The following SLIT3 variants were observed in gnomAD, a reference collection of about 807,000 sequenced individuals.
The protein encoded by SLIT3 is slit guidance ligand 3, also known as slit homolog 3 protein.
SLIT3 carries 68 observed loss-of-function variants against 184.0 expected under a neutral mutation model. The observed-to-expected ratio is 0.37, with a 90% confidence interval of 0.30 to 0.45. The LOEUF is 0.45. Ranked by LOEUF, SLIT3 falls within the 20% of genes least tolerant of loss-of-function variation. The pLI is 1.00. For missense variants in SLIT3, 1,707 were observed against 2,026.0 expected (o/e 0.84, Z 3.02); for synonymous variants, 831 against 828.6 (o/e 1.00, Z -0.05).
chr5:169,235,274 TCATC>T (rs1331949989), intron 3 of SLIT3, among the ~76,000 whole-genome samples: 1 of 152,230 alleles, frequency 6.6e-6, no homozygotes, highest in African/African-American at 2.4e-5. Flanking sequence ...AAAGCAGTAT[TCATC>T]CATTTCTTTT....
At chr5:169,103,537 C>T (rs771775735) in intron 4 of SLIT3, among the ~76,000 whole-genome samples, 16 of 152,182 alleles carry the variant, frequency 1.1e-4, no homozygotes, top group Non-Finnish European at 1.6e-4. Flanking sequence ...TGGGCTGAGG[C>T]TTTTCTCCTT....
intron 4 of SLIT3, among the ~76,000 whole-genome samples, chr5:169,191,819 G>A (rs1763560014): frequency 6.6e-6 from 1 of 152,136 alleles, no homozygotes; most frequent in Non-Finnish European, 1.5e-5. Flanking sequence ...GCCATGGGAA[G>A]GTTTCTGTGA....
intron 32 of SLIT3, among the ~76,000 whole-genome samples, chr5:168,680,804 A>C (rs957754069): frequency 9.2e-5 from 14 of 152,274 alleles, no homozygotes; most frequent in Middle Eastern, 3.4e-3. Context: ...TCTGAGGCAC[A>C]GGTCATGTCT....
At chr5:168,824,012 G>T (rs369722739) in intron 6 of SLIT3, among the ~76,000 whole-genome samples, 2 of 152,130 alleles carry the variant, frequency 1.3e-5, no homozygotes, top group East Asian at 1.9e-4. Flanking sequence ...GCAGTGGCAC[G>T]ATCTCAGCTC....
chr5:168,905,087 G>T (rs1025197507), intron 4 of SLIT3, among the ~76,000 whole-genome samples: 1 of 152,152 alleles, frequency 6.6e-6, no homozygotes, highest in Admixed American at 6.5e-5. Flanking sequence ...TGAGACAGGC[G>T]AATTGCTCGA....
At chr5:168,803,915 G>T (rs17553805) in intron 9 of SLIT3, among the ~76,000 whole-genome samples, 9,454 of 151,944 alleles carry the variant, frequency 0.062, 421 homozygotes, top group Non-Finnish European at 0.091. Flanking sequence ...AGGTTAACTG[G>T]GTGGAGAAAG....
At chr5:169,165,498 A>C (rs1454974965) in intron 4 of SLIT3, among the ~76,000 whole-genome samples, 2 of 152,252 alleles carry the variant, frequency 1.3e-5, no homozygotes, top group Non-Finnish European at 2.9e-5. Context: ...ATCTTGCACT[A>C]TTCTAAGTGC....
intron 1 of SLIT3, among the ~76,000 whole-genome samples, chr5:169,270,963 G>A (rs969601116): frequency 1.5e-4 from 23 of 152,178 alleles, no homozygotes; most frequent in African/African-American, 1.9e-4. Flanking sequence ...CTAGGACAAT[G>A]CCTAGCTCAT....
chr5:168,722,612 G>A (rs948250689), intron 22 of SLIT3, among the ~76,000 whole-genome samples: 3 of 152,132 alleles, frequency 2.0e-5, no homozygotes, highest in African/African-American at 7.2e-5. Context: ...TAAAGCTAAT[G>A]GGAAATAAAT....
intron 4 of SLIT3, chr5:169,025,130 G>T (rs1314995160): frequency 1.3e-5 from 2 of 152,254 alleles, no homozygotes; most frequent in African/African-American, 2.4e-5. Flanking sequence ...AGGGAGGGAT[G>T]TTTAGAAGAG....
At chr5:168,773,936 C>T (rs1011671690) in intron 13 of SLIT3, among the ~76,000 whole-genome samples, 2 of 152,146 alleles carry the variant, frequency 1.3e-5, no homozygotes, top group African/African-American at 4.8e-5. Context: ...AGGAAGTTAC[C>T]TAACCATTCT....
chr5:168,952,464 C>A (rs770478349), intron 4 of SLIT3, among the ~76,000 whole-genome samples: 2 of 150,098 alleles, frequency 1.3e-5, no homozygotes, highest in Non-Finnish European at 2.9e-5. Flanking sequence ...AGGCACCCGG[C>A]CCTGTCACCC....
At chr5:169,220,263 C>T (rs1008614742) in intron 3 of SLIT3, among the ~76,000 whole-genome samples, 1 of 151,208 alleles carries the variant, frequency 6.6e-6, no homozygotes, top group East Asian at 1.9e-4. Context: ...AAAATCAACT[C>T]ACTTGCAAAC....
intron 4 of SLIT3, among the ~76,000 whole-genome samples, chr5:168,903,915 C>T (rs759012098): frequency 2.0e-5 from 3 of 152,160 alleles, no homozygotes; most frequent in East Asian, 1.9e-4. Context: ...CTTCTCTGAT[C>T]GAAGTGGGGA....
chr5:168,936,181 T>C (rs1010647700), intron 4 of SLIT3, among the ~76,000 whole-genome samples: 1 of 152,170 alleles, frequency 6.6e-6, no homozygotes, highest in African/African-American at 2.4e-5. Context: ...GAAATCAACA[T>C]CCACTGGGCC....
At chr5:168,793,613 C>A (rs1436972021) in intron 10 of SLIT3, among the ~76,000 whole-genome samples, 2 of 152,178 alleles carry the variant, frequency 1.3e-5, no homozygotes, top group Non-Finnish European at 2.9e-5. Context: ...CAGATCATGG[C>A]AAGTCCAATA....
chr5:168,804,330 A>AAAAAAAAAAAAAAAAC (rs1756883147), intron 9 of SLIT3, among the ~76,000 whole-genome samples: 1 of 129,122 alleles, frequency 7.7e-6, no homozygotes. Flanking sequence ...AAAAAAAAAA[A>AAAAAAAAAAAAAAAAC]AAAAAAAAAG....
chr5:168,918,712 C>A (rs1419295466), intron 4 of SLIT3, among the ~76,000 whole-genome samples: 2 of 152,146 alleles, frequency 1.3e-5, no homozygotes, highest in African/African-American at 4.8e-5. Flanking sequence ...TCTTAAAGTT[C>A]TTCAGGAAAG....
chr5:169,244,917 A>G (rs187542746), intron 2 of SLIT3, 141 bp from the exon 3 acceptor site: 12 of 729,832 alleles, frequency 1.6e-5, no homozygotes, highest in Non-Finnish European at 2.4e-5. Flanking sequence ...GTCTGATGGG[A>G]CAAGATAACT....
Sources: allele counts gnomAD v4.1 joint callset (sites outside exome capture counted in the v4.1 genomes callset), GRCh38; gene constraint gnomAD v4.1.1; transcripts MANE v1.5; gene names NCBI Gene and HGNC (gene_info 2026-07-23, HGNC 2026-07-21).